Variants in MYO1D observed in about 807,000 individuals in gnomAD.
MYO1D encodes myosin ID.
A neutral mutation model predicts 122.0 loss-of-function variants in MYO1D; 83 were observed. The ratio of observed to expected loss-of-function variants is 0.68; its 90% CI spans 0.57 to 0.82. The LOEUF (loss-of-function observed/expected upper bound fraction) is 0.82. Among genes scored for constraint, MYO1D ranks in the 40% least tolerant of loss-of-function variants. The probability of loss-of-function intolerance (pLI) is 0.00; values close to 1 mark genes in which losing one functional copy is unlikely to be tolerated. For synonymous variants in MYO1D, 464 were observed against 446.9 expected (o/e 1.04, Z -0.48); for missense variants, 1,157 against 1,269.5 (o/e 0.91, Z 1.35).
chr17:32,552,196 C>T (rs1276589853), intron 21 of MYO1D, among the ~76,000 whole-genome samples: 4 of 152,194 alleles, frequency 2.6e-5, no homozygotes, highest in Non-Finnish European at 5.9e-5. Context: ...CCACCTCAGC[C>T]TCCTGAGTAG....
chr17:32,587,303 G>A (rs1006906456), intron 21 of MYO1D, among the ~76,000 whole-genome samples: 6 of 151,640 alleles, frequency 4.0e-5, no homozygotes, highest in African/African-American at 1.2e-4. Flanking sequence ...CTTGAGGTCA[G>A]GGGTTTGAGA....
At chr17:32,633,977 T>C (rs776182251) in intron 20 of MYO1D, among the ~76,000 whole-genome samples, 5 of 152,196 alleles carry the variant, frequency 3.3e-5, no homozygotes, top group African/African-American at 4.8e-5. Flanking sequence ...CTTTTCCCCA[T>C]TGGAATGTAA....
At chr17:32,549,430 A>G (rs961792162) in intron 21 of MYO1D, among the ~76,000 whole-genome samples, 2 of 152,194 alleles carry the variant, frequency 1.3e-5, no homozygotes, top group East Asian at 1.9e-4. Flanking sequence ...AACGTTAAAG[A>G]TAAGTAGTGA....
intron 21 of MYO1D, among the ~76,000 whole-genome samples, chr17:32,549,713 C>A (rs964326434): frequency 6.6e-6 from 1 of 152,210 alleles, no homozygotes; most frequent in African/African-American, 2.4e-5. Flanking sequence ...ATGCAAATAC[C>A]AATGACCTGA....
intron 1 of MYO1D, among the ~76,000 whole-genome samples, chr17:32,854,844 TAG>T (rs2091015240): frequency 1.3e-5 from 2 of 152,198 alleles, no homozygotes; most frequent in Admixed American, 1.3e-4. Flanking sequence ...GAGCTGGAAG[TAG>T]AGTTTCCTGG....
intron 20 of MYO1D, among the ~76,000 whole-genome samples, chr17:32,620,553 C>T (rs148684548): frequency 6.6e-6 from 1 of 152,146 alleles, no homozygotes; most frequent in Non-Finnish European, 1.5e-5. Flanking sequence ...GGAACCCCCC[C>T]CTGCCAAGTT....
In MYO1D at chr17:32,588,493, GT is replaced by G. The variant is rs1452839459; in HGVS notation, c.2864+16593del. 3.9e-5 allele frequency among the ~76,000 whole-genome samples: 6 copies of G among 152,242 alleles called. No individual in the cohort carries two copies. In the East Asian group the frequency reaches 1.2e-3, roughly 29 times the overall value. On this transcript the variant is annotated intron_variant, in intron 21 of 21. Transcript: ENST00000318217. ...AGACTAAACCAACCCAAGAGCCTTA[GT>G]TTTTTTCATCCTGAACATGTATTAA...
chr17:32,532,107 G>A (rs1411028058), intron 21 of MYO1D, among the ~76,000 whole-genome samples: 1 of 152,140 alleles, frequency 6.6e-6, no homozygotes, highest in African/African-American at 2.4e-5. Context: ...GCTCCAATGT[G>A]GCTGCTGAGA....
intron 21 of MYO1D, among the ~76,000 whole-genome samples, chr17:32,503,624 G>A (rs1268984502): frequency 1.3e-5 from 2 of 152,188 alleles, no homozygotes; most frequent in Non-Finnish European, 2.9e-5. Context: ...GAGGAACACA[G>A]CCTTGCACCA....
chr17:32,748,385 T>A (rs1299753144), intron 12 of MYO1D, among the ~76,000 whole-genome samples: 1 of 152,068 alleles, frequency 6.6e-6, no homozygotes, highest in Non-Finnish European at 1.5e-5. Flanking sequence ...CCCCTCTTCC[T>A]AATTCATTCC....
At chr17:32,750,464 A>C (rs1598064268) in intron 11 of MYO1D, among the ~76,000 whole-genome samples, 1 of 151,522 alleles carries the variant, frequency 6.6e-6, no homozygotes, top group African/African-American at 2.4e-5. Flanking sequence ...AAATACAAAA[A>C]ATTAGCCGGG....
chr17:32,750,437 C>T (rs1259208179), intron 11 of MYO1D, among the ~76,000 whole-genome samples: 5 of 151,904 alleles, frequency 3.3e-5, no homozygotes, highest in East Asian at 1.9e-4. Flanking sequence ...CACAGTGAAA[C>T]CCTGTCTCTA....
chr17:32,636,099 A>G (rs1319377880), intron 20 of MYO1D, among the ~76,000 whole-genome samples: 1 of 152,134 alleles, frequency 6.6e-6, no homozygotes, highest in Non-Finnish European at 1.5e-5. Flanking sequence ...GTTTTTGAAT[A>G]ATCCACCCCC....
At chr17:32,825,492 C>T (rs2090713651) in intron 1 of MYO1D, among the ~76,000 whole-genome samples, 1 of 152,062 alleles carries the variant, frequency 6.6e-6, no homozygotes, top group African/African-American at 2.4e-5. Flanking sequence ...AGGGTTTCAC[C>T]ATGTTGCCCA....
At chr17:32,538,248 G>T (rs1910719093) in intron 21 of MYO1D, among the ~76,000 whole-genome samples, 1 of 151,122 alleles carries the variant, frequency 6.6e-6, no homozygotes, top group African/African-American at 2.4e-5. Flanking sequence ...AATTGGGAGG[G>T]AGTAGTCAAA....
chr17:32,613,963 T>C (rs2150920904), intron 20 of MYO1D, among the ~76,000 whole-genome samples: 1 of 152,068 alleles, frequency 6.6e-6, no homozygotes, highest in East Asian at 1.9e-4. Flanking sequence ...ATTTGTATTG[T>C]TTTTATTTTA....
intron 21 of MYO1D, among the ~76,000 whole-genome samples, chr17:32,497,441 A>G (rs917589818): frequency 6.6e-6 from 1 of 152,192 alleles, no homozygotes; most frequent in African/African-American, 2.4e-5. Context: ...TGGGCAACAG[A>G]GTGAGACCTT....
chr17:32,696,450 T>C (rs1226259409), intron 16 of MYO1D, among the ~76,000 whole-genome samples: 2 of 152,172 alleles, frequency 1.3e-5, no homozygotes, highest in Non-Finnish European at 2.9e-5. Flanking sequence ...AAAAAAAGTA[T>C]AACCAAATTA....
At chr17:32,722,680 C>T (rs1567966107) in intron 14 of MYO1D, among the ~76,000 whole-genome samples, 1 of 152,194 alleles carries the variant, frequency 6.6e-6, no homozygotes, top group African/African-American at 2.4e-5. Flanking sequence ...TGCCACAGCA[C>T]ATATCATGTT....
Sources: gnomAD v4.1 joint callset for allele counts (sites outside exome capture counted in the v4.1 genomes callset) on GRCh38, gnomAD v4.1.1 for gene constraint, MANE v1.5 for transcripts, NCBI Gene and HGNC (gene_info 2026-07-23, HGNC 2026-07-21) for gene names.